PIK3R5: variants seen among roughly 807,000 people sequenced by gnomAD.
PIK3R5 encodes the protein phosphoinositide 3-kinase regulatory subunit 5.
PIK3R5 carries 32 observed loss-of-function variants against 94.9 expected under a neutral mutation model. The ratio of observed to expected loss-of-function variants is 0.34; its 90% confidence interval spans 0.25 to 0.45. PIK3R5 has a LOEUF of 0.45. Ranked by LOEUF, PIK3R5 falls within the 20% of genes least tolerant of loss-of-function variation. The pLI, the probability that PIK3R5 is intolerant of heterozygous loss-of-function variation, is 1.00. For synonymous variants in PIK3R5, 443 were observed against 479.4 expected (o/e 0.92, Z 0.99); for missense variants, 853 against 1,144.6 (o/e 0.75, Z 3.68).
chr17:8,948,691 G>A (rs780189766), intron 1 of PIK3R5, among the ~76,000 whole-genome samples: 1 of 152,184 alleles, frequency 6.6e-6, no homozygotes, highest in Non-Finnish European at 1.5e-5. Context: ...GTGAAGCCAC[G>A]CAAACCCTCA....
intron 10 of PIK3R5, 73 bp from the exon 11 acceptor site, chr17:8,887,756 G>A: frequency 7.0e-7 from 1 of 1,429,552 alleles, no homozygotes; most frequent in East Asian, 2.5e-5. Flanking sequence ...ACTTTGGGAG[G>A]CTGAGGTGGG....
intron 1 of PIK3R5, among the ~76,000 whole-genome samples, chr17:8,947,566 A>C (rs2091296708): frequency 6.6e-6 from 1 of 152,194 alleles, no homozygotes; most frequent in Non-Finnish European, 1.5e-5. Context: ...GTGGCTTAAC[A>C]GGGAAAGAAA....
rs548910352 is a variant in PIK3R5 at position 8,943,491 on chromosome 17, G to A, written c.-14+22105C>T. Among the ~76,000 whole-genome samples, 9 of 152,294 alleles carry A rather than the reference G, an allele frequency of 5.9e-5. 1 individual carries two copies. In the East Asian group the frequency reaches 1.7e-3, roughly 29 times the overall value. On this transcript the variant is annotated intron_variant, in intron 1 of 18. Coordinates refer to ENST00000447110, the MANE Select transcript of PIK3R5 (RefSeq NM_001142633.3). ...ATCTCTCAAGAAAAGAGACATTCTT[G>A]GCTGGGCGCGGTGGCTCATGCCTGT...
At chr17:8,946,921 T>G (rs1424521058) in intron 1 of PIK3R5, among the ~76,000 whole-genome samples, 1 of 152,140 alleles carries the variant, frequency 6.6e-6, no homozygotes, top group Non-Finnish European at 1.5e-5. Context: ...CCCTCACCCA[T>G]GGACATACGA....
intron 15 of PIK3R5, among the ~76,000 whole-genome samples, chr17:8,883,750 C>T (rs1002546697): frequency 3.9e-5 from 6 of 152,160 alleles, no homozygotes; most frequent in African/African-American, 7.2e-5. Context: ...AATTTTACAT[C>T]GTGTGCATCA....
chr17:8,899,141 G>T (rs1301650372), intron 5 of PIK3R5, among the ~76,000 whole-genome samples: 2 of 152,234 alleles, frequency 1.3e-5, no homozygotes, highest in African/African-American at 4.8e-5. Context: ...TGGTGGGCAG[G>T]ACCCAGTGGC....
At chr17:8,920,242 A>G (rs1295937669) in intron 1 of PIK3R5, among the ~76,000 whole-genome samples, 2 of 152,172 alleles carry the variant, frequency 1.3e-5, no homozygotes, top group African/African-American at 2.4e-5. Context: ...CTTCAGAACT[A>G]GGCCAAGAAA....
In PIK3R5 at chr17:8,880,969, T is replaced by C; in HGVS notation, c.2431A>G (p.Asn811Asp). Residue 811 changes from asparagine to aspartate, a missense_variant, in exon 18 of 19, where the codon AAC becomes GAC. Asn to Asp is a conservative substitution (Grantham distance 23). Around this residue, in one of 6 missense-constraint regions of PIK3R5, gnomAD observed 91 missense variants for 90.5 expected, o/e 1.01. Transcript: ENST00000447110. Reference protein sequence around the residue: ...KVDKVQIIGSNSCPFAVCLDQ... With the variant: ...KVDKVQIIGSDSCPFAVCLDQ... ...AGGCACACAGCAAAGGGGCAGCTGT[T>C]GGAGCCGATGATCTGCACCTTGTCC... 2.5e-6 allele frequency: 4 copies of C among 1,614,154 alleles called. No individual in the cohort carries two copies. Among genetic ancestry groups the C allele is most frequent in the Non-Finnish European group, 3.4e-6 (4 of 1,180,008 alleles).
chr17:8,937,328 G>A (rs1050754755), intron 1 of PIK3R5, among the ~76,000 whole-genome samples: 1 of 152,190 alleles, frequency 6.6e-6, no homozygotes, highest in Non-Finnish European at 1.5e-5. Flanking sequence ...CTTGGTCCCA[G>A]TCTTAGGGGG....
At chr17:8,910,877 C>T (rs796473002) in intron 2 of PIK3R5, among the ~76,000 whole-genome samples, 13 of 152,254 alleles carry the variant, frequency 8.5e-5, no homozygotes, top group African/African-American at 2.6e-4. Context: ...TACAGCCAGG[C>T]GCCAGCCTTC....
rs545467951 is a variant in PIK3R5, at chr17:8,901,000, T to G, written c.412+3777A>C. 8.9e-4 allele frequency among the ~76,000 whole-genome samples: 136 copies of G among 152,268 alleles called. 1 individual carries two copies. The highest frequency in any genetic ancestry group is 3.2e-3 in the African/African-American group (132 of 41,564). ...AAACCCAACGCCCTGCCAAGACATT[T>G]GCATTTTAAATTCTTTCTCTGAGCG... On this transcript the variant is annotated intron_variant, in intron 5 of 18. Coordinates refer to ENST00000447110, the MANE Select transcript of PIK3R5 (RefSeq NM_001142633.3).
chr17:8,926,508 G>C (rs2090887157), intron 1 of PIK3R5, among the ~76,000 whole-genome samples: 1 of 152,200 alleles, frequency 6.6e-6, no homozygotes, highest in African/African-American at 2.4e-5. Context: ...CACGGCTAGG[G>C]AGGCCTCAGA....
In PIK3R5 at chr17:8,890,185, T is replaced by C; in HGVS notation, c.658-59A>G. On this transcript the variant is annotated intron_variant, in intron 7 of 18. Coordinates refer to ENST00000447110, the MANE Select transcript of PIK3R5 (RefSeq NM_001142633.3). This position sits in a 1 kb window ranked among gnomAD's most constrained non-coding sequence, Gnocchi z 6.1. Reference sequence around the variant, plus strand: ...GGACCGTGAGCTAGCTGTCCACCTGTTCCAGTTGCTAGCTTCTTACTGAGG... The same window carrying C: ...GGACCGTGAGCTAGCTGTCCACCTGCTCCAGTTGCTAGCTTCTTACTGAGG... 1 of 1,565,446 alleles carries C rather than the reference T, an allele frequency of 6.4e-7. No homozygotes were observed. Among genetic ancestry groups the C allele is most frequent in the Non-Finnish European group, 8.8e-7 (1 of 1,142,724 alleles).
At chr17:8,927,772 G>A (rs748209151) in intron 1 of PIK3R5, among the ~76,000 whole-genome samples, 3 of 152,170 alleles carry the variant, frequency 2.0e-5, no homozygotes, top group Non-Finnish European at 4.4e-5. Flanking sequence ...CTGGTGAGAG[G>A]TCTTTGGATG....
At chr17:8,944,776 A>C (rs1200828065) in intron 1 of PIK3R5, among the ~76,000 whole-genome samples, 1 of 152,172 alleles carries the variant, frequency 6.6e-6, no homozygotes, top group Admixed American at 6.5e-5. Flanking sequence ...AGCCTTCTCA[A>C]GTGCAATTCT....
At position 8,954,480 on chromosome 17, in the gene PIK3R5, G is replaced by C. The variant is rs574246344; in HGVS notation, c.-14+11116C>G. On this transcript the variant is annotated intron_variant, in intron 1 of 18. Transcript: ENST00000447110. Reference sequence around the variant, plus strand: ...CACGGGCGGGACAGGAAGCCCCTCTGCCTTGTAAACACCGTGTTGCAAACA... The same window carrying C: ...CACGGGCGGGACAGGAAGCCCCTCTCCCTTGTAAACACCGTGTTGCAAACA... Among the ~76,000 whole-genome samples the C allele has an allele frequency of 2.0e-4, 30 of 152,308 alleles. No homozygotes were observed. In the South Asian group the frequency reaches 4.6e-3, roughly 23 times the overall value.
rs1597459355 is a variant in PIK3R5, at chr17:8,880,421, C to T, written c.*218G>A. On this transcript the variant is annotated 3_prime_UTR_variant, in exon 19 of 19. Coordinates refer to ENST00000447110, the MANE Select transcript of PIK3R5 (RefSeq NM_001142633.3). ...CTTCTACTGCCAGGAATCTAAGAGG[C>T]TATGGGGTCTGGCCCTTCTCTCTCT... 1.5e-5 allele frequency: 7 copies of T among 466,426 alleles called. No homozygotes were observed. The East Asian group carries it at 2.3e-4, about 15-fold the overall frequency. 28.9% of individuals were successfully genotyped at this position (466,426 alleles called of 1,614,324 possible). A position where few individuals can be genotyped will look rare whatever the true frequency, so the allele number is the denominator to read the frequency against.
At position 8,879,504 on chromosome 17, in the gene PIK3R5, G is replaced by A. The variant is rs1284107859; in HGVS notation, c.*1135C>T. The A allele has an allele frequency of 3.9e-5, 6 of 152,230 alleles. No individual in the cohort carries two copies. The highest frequency in any genetic ancestry group is 8.8e-5 in the Non-Finnish European group (6 of 68,090). The allele number at this position is 152,230 out of a possible 1,614,324, so 9.4% of individuals were successfully genotyped here. A position where few individuals can be genotyped will look rare whatever the true frequency, so the allele number is the denominator to read the frequency against. ...AGAGTGCCAGTGAACTTGCGGATAT[G>A]GAAGATTGTACACGCAGAGTGAGAT... On this transcript the variant is annotated 3_prime_UTR_variant, in exon 19 of 19. Coordinates refer to ENST00000447110, the MANE Select transcript of PIK3R5 (RefSeq NM_001142633.3). The surrounding 1 kb of genome is among the most constrained non-coding windows in gnomAD (Gnocchi z 4.4).
At position 8,896,732 on chromosome 17, in the gene PIK3R5, C is replaced by A. The variant is rs2090160335; in HGVS notation, c.413-3077G>T. 6.6e-6 allele frequency among the ~76,000 whole-genome samples: 1 copy of A among 152,194 alleles called. No homozygotes were observed. Among genetic ancestry groups the A allele is most frequent in the Non-Finnish European group, 1.5e-5 (1 of 68,034 alleles). ...GAAAATCACTACATCTGCCATCAAG[C>A]AAGCACTGGTATTAATGACACACGG... is the stretch of plus-strand genomic sequence containing the variant. On this transcript the variant is annotated intron_variant, in intron 5 of 18. Transcript: ENST00000447110. The surrounding 1 kb of genome is among the most constrained non-coding windows in gnomAD (Gnocchi z 4.0).
Sources: allele counts gnomAD v4.1 joint callset (sites outside exome capture counted in the v4.1 genomes callset), GRCh38; gene constraint gnomAD v4.1.1; regional missense constraint gnomAD v4.1.1; non-coding constraint Gnocchi (gnomAD v3.1); transcripts MANE v1.5; gene names NCBI Gene and HGNC (gene_info 2026-07-23, HGNC 2026-07-21).